GRID2: variants seen among roughly 807,000 people sequenced by gnomAD.
GRID2 encodes glutamate ionotropic receptor delta type subunit 2, also known as glutamate receptor ionotropic, delta-2.
In GRID2, 33 loss-of-function variants were observed where a neutral mutation model predicts 114.8. The observed-to-expected ratio is 0.29, with a 90% confidence interval of 0.22 to 0.38. The LOEUF (loss-of-function observed/expected upper bound fraction) is 0.38. Ranked by LOEUF, GRID2 falls within the 10% of genes least tolerant of loss-of-function variation. The pLI is 1.00. For missense variants in GRID2, 1,184 were observed against 1,257.7 expected (o/e 0.94, Z 0.89); for synonymous variants, 505 against 449.9 (o/e 1.12, Z -1.55).
chr4:93,781,199 T>C lies in GRID2; in HGVS notation c.221+11749T>C, dbSNP rs190358672. Among the ~76,000 whole-genome samples the C allele has an allele frequency of 4.3e-4, 65 of 152,298 alleles. No homozygotes were observed. The East Asian group carries it at 9.5e-3, about 22-fold the overall frequency. ...ATTGAGAATCATTTGTTTTCTTTCATTGGGAGCATGAATGATGAATTTTTA... is the reference window on the plus strand; with the variant it reads ...ATTGAGAATCATTTGTTTTCTTTCACTGGGAGCATGAATGATGAATTTTTA... On this transcript the variant is annotated intron_variant, in intron 1 of 1. Coordinates refer to the GRID2 transcript ENST00000637838.
At chr4:92,362,090 G>A (rs1728644730) in intron 1 of GRID2, among the ~76,000 whole-genome samples, 1 of 151,978 alleles carries the variant, frequency 6.6e-6, no homozygotes, top group Non-Finnish European at 1.5e-5. Context: ...ACTCAGACTG[G>A]TTTATTGGCA....
At chr4:92,719,682 C>T (rs777697076) in intron 2 of GRID2, among the ~76,000 whole-genome samples, 3 of 151,190 alleles carry the variant, frequency 2.0e-5, no homozygotes, top group South Asian at 2.1e-4. Flanking sequence ...ACAAAGAGGA[C>T]GTCAAAGATG....
intron 2 of GRID2, among the ~76,000 whole-genome samples, chr4:92,696,077 G>A (rs1295671364): frequency 2.0e-5 from 3 of 152,028 alleles, no homozygotes; most frequent in Admixed American, 6.6e-5. Context: ...TATAGTATAT[G>A]TTCAGGAAAA....
chr4:93,363,760 G>T (rs1460581246), intron 8 of GRID2, among the ~76,000 whole-genome samples: 1 of 151,852 alleles, frequency 6.6e-6, no homozygotes, highest in Non-Finnish European at 1.5e-5. Context: ...CTTTGTGCAT[G>T]AAAATTAAGG....
chr4:92,501,602 G>A (rs1163676547), intron 1 of GRID2, among the ~76,000 whole-genome samples: 4 of 152,078 alleles, frequency 2.6e-5, no homozygotes, highest in Non-Finnish European at 5.9e-5. Flanking sequence ...AAGCTCTTTA[G>A]TAACCTCTCT....
In GRID2 at chr4:92,549,463, AC is replaced by A. The variant is rs775674113; in HGVS notation, c.89-40666del. ...GTCCTCATTCACACACATCACACAC[AC>A]CTCCAACTATCTGACAATTCTTAGT... On this transcript the variant is annotated intron_variant, in intron 1 of 15. Coordinates refer to ENST00000282020, the MANE Select transcript of GRID2 (RefSeq NM_001510.4). 1.4e-4 allele frequency among the ~76,000 whole-genome samples: 21 copies of A among 152,078 alleles called. No homozygotes were observed. In the South Asian group the frequency reaches 4.1e-3, roughly 30 times the overall value.
chr4:92,538,621 A>G (rs1725770761), intron 1 of GRID2, among the ~76,000 whole-genome samples: 1 of 152,278 alleles, frequency 6.6e-6, no homozygotes, highest in East Asian at 1.9e-4. Flanking sequence ...GGCATAGTAA[A>G]TACTCCATAA....
chr4:92,672,841 T>C (rs567829677), intron 2 of GRID2, among the ~76,000 whole-genome samples: 8 of 152,286 alleles, frequency 5.3e-5, no homozygotes, highest in African/African-American at 1.9e-4. Flanking sequence ...AATTGTTCTC[T>C]TTGAACTATT....
At chr4:93,281,881 AAC>A (rs1439459324) in intron 8 of GRID2, among the ~76,000 whole-genome samples, 14 of 152,162 alleles carry the variant, frequency 9.2e-5, no homozygotes, top group African/African-American at 2.6e-4. Context: ...CTAGAAAATT[AAC>A]AGTCTATTCT....
intron 1 of GRID2, among the ~76,000 whole-genome samples, chr4:93,806,293 C>T (rs1735027646): frequency 6.6e-6 from 1 of 152,164 alleles, no homozygotes; most frequent in Admixed American, 6.5e-5. Context: ...TCTAAGCAAA[C>T]AGGCTCCAGG....
At chr4:92,771,451 T>C (rs1211142657) in intron 2 of GRID2, among the ~76,000 whole-genome samples, 2 of 152,200 alleles carry the variant, frequency 1.3e-5, no homozygotes, top group African/African-American at 4.8e-5. Flanking sequence ...CATTTTCTAA[T>C]AGAGTATACG....
At chr4:93,342,427 A>T (rs1228134366) in intron 8 of GRID2, among the ~76,000 whole-genome samples, 1 of 151,978 alleles carries the variant, frequency 6.6e-6, no homozygotes, top group African/African-American at 2.4e-5. Flanking sequence ...CCATTTCCTC[A>T]TTTAAAAAGA....
At chr4:92,455,347 C>T (rs1294235053) in intron 1 of GRID2, among the ~76,000 whole-genome samples, 1 of 152,108 alleles carries the variant, frequency 6.6e-6, no homozygotes, top group Non-Finnish European at 1.5e-5. Context: ...TTCTTATATT[C>T]AGAGAAAATC....
intron 2 of GRID2, among the ~76,000 whole-genome samples, chr4:92,811,698 C>A (rs907288725): frequency 4.5e-4 from 69 of 152,020 alleles, no homozygotes; most frequent in African/African-American, 1.6e-3. Flanking sequence ...AAAGTAATTG[C>A]ATTTTATAAT....
chr4:93,297,588 T>A (rs751811861), intron 8 of GRID2, among the ~76,000 whole-genome samples: 17 of 152,266 alleles, frequency 1.1e-4, no homozygotes, highest in East Asian at 3.9e-4. Flanking sequence ...AGATTTATAA[T>A]CTTGAAGTAA....
intron 2 of GRID2, among the ~76,000 whole-genome samples, chr4:92,621,419 C>G (rs1267601812): frequency 2.0e-5 from 3 of 151,624 alleles, no homozygotes; most frequent in Admixed American, 6.6e-5. Flanking sequence ...AAAGATGAAC[C>G]AGTGCAAAAT....
chr4:92,869,225 T>G (rs1745104239), intron 2 of GRID2, among the ~76,000 whole-genome samples: 1 of 152,218 alleles, frequency 6.6e-6, no homozygotes, highest in Admixed American at 6.5e-5. Context: ...TGAGCAATTT[T>G]AATGTCTAAT....
At chr4:92,727,076 C>A (rs1480261018) in intron 2 of GRID2, among the ~76,000 whole-genome samples, 1 of 151,962 alleles carries the variant, frequency 6.6e-6, no homozygotes, top group Non-Finnish European at 1.5e-5. Flanking sequence ...AATAACATAT[C>A]TTAGTTATCA....
intron 8 of GRID2, among the ~76,000 whole-genome samples, chr4:93,389,791 TC>T (rs1386848063): frequency 6.6e-6 from 1 of 150,926 alleles, no homozygotes; most frequent in African/African-American, 2.4e-5. Context: ...TTTTTTTTTT[TC>T]TTTTTTTTTT....
Sources: gnomAD v4.1 joint callset for allele counts (sites outside exome capture counted in the v4.1 genomes callset) on GRCh38, gnomAD v4.1.1 for gene constraint, MANE v1.5 for transcripts, NCBI Gene and HGNC (gene_info 2026-07-23, HGNC 2026-07-21) for gene names.